KRT8: variants seen among roughly 807,000 people sequenced by gnomAD.
The protein encoded by KRT8 is keratin 8.
Under a neutral mutation model 43.0 loss-of-function variants are expected in KRT8, and 24 were observed. That is an observed-to-expected ratio of 0.56 (90% CI 0.40 to 0.78). The LOEUF is 0.78. Among genes scored for constraint, KRT8 ranks in the 30% least tolerant of loss-of-function variants. The probability of loss-of-function intolerance (pLI) is 0.00; values close to 1 mark genes in which losing one functional copy is unlikely to be tolerated. For missense variants in KRT8, 492 were observed against 638.4 expected (o/e 0.77, Z 2.47); for synonymous variants, 214 against 261.2 (o/e 0.82, Z 1.74).
intron 2 of KRT8, among the ~76,000 whole-genome samples, chr12:52,918,001 G>A (rs113082768): frequency 0.27 from 33,467 of 122,738 alleles, 5,981 homozygotes; most frequent in East Asian, 0.73. Context: ...GGAGAGGAAG[G>A]AGAGGAAGAA....
upstream of KRT8, among the ~76,000 whole-genome samples, chr12:52,908,458 C>T (rs964157210): frequency 2.6e-5 from 4 of 152,146 alleles, no homozygotes; most frequent in Admixed American, 1.3e-4. Context: ...CATATCCATA[C>T]GATCTAATGT....
intron 2 of KRT8, among the ~76,000 whole-genome samples, chr12:52,929,254 C>T (rs142574532): frequency 8.2e-4 from 122 of 148,180 alleles, no homozygotes; most frequent in African/African-American, 2.8e-3. Context: ...GGTATGATCT[C>T]GATCTCAGCT....
intron 2 of KRT8, among the ~76,000 whole-genome samples, chr12:52,914,392 CAT>C (rs1941695186): frequency 1.3e-5 from 2 of 152,160 alleles, no homozygotes; most frequent in South Asian, 4.1e-4. Flanking sequence ...AAAAAATTAG[CAT>C]AGTATGGTGG....
intron 2 of KRT8, among the ~76,000 whole-genome samples, chr12:52,935,503 T>C (rs560608820): frequency 2.5e-4 from 31 of 123,538 alleles, no homozygotes; most frequent in Non-Finnish European, 4.6e-4. Context: ...CCATCCTGGC[T>C]AACACAGTGA....
intron 2 of KRT8, chr12:52,926,336 T>TTGCCC: frequency 2.6e-6 from 1 of 385,522 alleles, no homozygotes; most frequent in Non-Finnish European, 4.9e-6. Context: ...CTAGCTGCCC[T>TTGCCC]CCCCACCCCA....
chr12:52,911,154 C>A (rs1941628815), upstream of KRT8, among the ~76,000 whole-genome samples: 2 of 152,096 alleles, frequency 1.3e-5, no homozygotes, highest in South Asian at 4.1e-4. Flanking sequence ...CAGTTCAAGA[C>A]CAGCCTGGCC....
At chr12:52,917,650 A>G (rs1239895217) in intron 2 of KRT8, among the ~76,000 whole-genome samples, 1 of 150,758 alleles carries the variant, frequency 6.6e-6, no homozygotes, top group African/African-American at 2.4e-5. Flanking sequence ...TGAAGTTTGC[A>G]GCGAGACAAG....
At chr12:52,906,316 T>C (rs975451920), upstream of KRT8, among the ~76,000 whole-genome samples, 1 of 152,012 alleles carries the variant, frequency 6.6e-6, no homozygotes, top group African/African-American at 2.4e-5. Context: ...CGGGAGTCAC[T>C]CCCATTGCTC....
At chr12:52,901,977 G>C in exon 2 of KRT8, 10 of 1,605,606 alleles carry the variant, frequency 6.2e-6, no homozygotes, top group Non-Finnish European at 8.5e-6. Context: ...TGTAGCTCTC[G>C]AACATGTTGT....
intron 2 of KRT8, among the ~76,000 whole-genome samples, chr12:52,918,052 G>GAAGAA (rs1592174160): frequency 1.2e-4 from 5 of 41,444 alleles, no homozygotes; most frequent in African/African-American, 3.3e-4. Flanking sequence ...AAGAAGAAGA[G>GAAGAA]GAAGAAGAAG....
At chr12:52,929,279 C>T (rs1189757204) in intron 2 of KRT8, among the ~76,000 whole-genome samples, 1 of 151,616 alleles carries the variant, frequency 6.6e-6, no homozygotes, top group Non-Finnish European at 1.5e-5. Context: ...GCAATCTCCA[C>T]CTCCCAGGCT....
Position 52,898,306 on chromosome 12 carries a change from T to C in KRT8, c.1261+155A>G, listed in dbSNP as rs1941266918. ...CTAAGTAATAAAGTTATTACTGGGG[T>C]CCTGAATATGTGCCTCCCCACCCTA... On this transcript the variant is annotated intron_variant, in intron 7 of 7. Coordinates refer to ENST00000692008, the Ensembl canonical transcript of KRT8. Among the ~76,000 whole-genome samples, 3 of 152,126 alleles carry C rather than the reference T, an allele frequency of 2.0e-5. No homozygotes were observed. The South Asian group carries it at 6.2e-4, about 32-fold the overall frequency.
At chr12:52,918,180 GGAAGAAGAA>G (rs869098018) in intron 2 of KRT8, among the ~76,000 whole-genome samples, 1 of 73,718 alleles carries the variant, frequency 1.4e-5, no homozygotes, top group South Asian at 5.7e-4. Flanking sequence ...AAGAGGAAGA[GGAAGAAGAA>G]GAAGAAGAAG....
At chr12:52,925,350 G>A (rs1458556909) in intron 2 of KRT8, among the ~76,000 whole-genome samples, 3 of 149,866 alleles carry the variant, frequency 2.0e-5, no homozygotes, top group Admixed American at 2.0e-4. Context: ...CTCAGGCTGA[G>A]TCAGGGCTGG....
At chr12:52,924,033 G>A (rs950180528) in intron 2 of KRT8, among the ~76,000 whole-genome samples, 1 of 151,958 alleles carries the variant, frequency 6.6e-6, no homozygotes, top group Non-Finnish European at 1.5e-5. Flanking sequence ...TTTCAGTAGA[G>A]ACGGGGTTTT....
rs1043887548 is a variant in KRT8 at position 52,949,784 on chromosome 12, C to A, written c.-246G>T. The A allele has an allele frequency of 1.5e-5, 11 of 713,956 alleles. No individual in the cohort carries two copies. The African/African-American group carries it at 1.6e-4, about 10-fold the overall frequency. The allele number at this position is 713,956 out of a possible 1,614,324, so 44.2% of individuals were successfully genotyped here. ...GCAGCTAGGCATGGGAGGGCTCTTT[C>A]CCAGGAGAGAGGGGGAAGGGGACAG... On this transcript the variant is annotated 5_prime_UTR_variant, in exon 1 of 7. Coordinates refer to the KRT8 transcript ENST00000546826.
At chr12:52,921,493 C>A (rs529095253) in intron 2 of KRT8, among the ~76,000 whole-genome samples, 1 of 152,308 alleles carries the variant, frequency 6.6e-6, no homozygotes, top group South Asian at 2.1e-4. Context: ...CCCCCAGGCC[C>A]CCATGGCCTG....
chr12:52,920,651 T>C (rs1186743214), intron 2 of KRT8, among the ~76,000 whole-genome samples: 1 of 152,208 alleles, frequency 6.6e-6, no homozygotes, highest in Non-Finnish European at 1.5e-5. Flanking sequence ...GACTATGTTG[T>C]TGACCGTCAC....
chr12:52,948,644 A>C (rs1467637198), intron 2 of KRT8: 1 of 325,364 alleles, frequency 3.1e-6, no homozygotes, highest in Non-Finnish European at 5.6e-6. Flanking sequence ...GGCGTGCACC[A>C]TCACGTCCGG....
Sources: allele counts gnomAD v4.1 joint callset (sites outside exome capture counted in the v4.1 genomes callset), GRCh38; gene constraint gnomAD v4.1.1; transcripts MANE v1.5; gene names NCBI Gene and HGNC (gene_info 2026-07-23, HGNC 2026-07-21).